MBD1: variants seen among roughly 807,000 people sequenced by gnomAD.
MBD1 encodes methyl-CpG-binding domain protein 1.
A neutral mutation model predicts 82.6 loss-of-function variants in MBD1; 25 were observed. The observed-to-expected ratio is 0.30, with a 90% confidence interval of 0.22 to 0.42. The LOEUF (loss-of-function observed/expected upper bound fraction) is 0.42, where lower values mean the gene tolerates loss of function less well. Among genes scored for constraint, MBD1 ranks in the 10% least tolerant of loss-of-function variants. The probability of loss-of-function intolerance (pLI) is 1.00; values close to 1 mark genes in which losing one functional copy is unlikely to be tolerated. For missense variants in MBD1, 627 were observed against 819.6 expected (o/e 0.76, Z 2.87); for synonymous variants, 301 against 303.7 (o/e 0.99, Z 0.09).
chr18:50,269,453 A>G lies in MBD1; in HGVS notation c.*398T>C. ...TGAAGCAGCAGCACATTGTTTTTACACTTGGAAGGTTGGTGCTGGGGCACC... is the reference window on the plus strand; with the variant it reads ...TGAAGCAGCAGCACATTGTTTTTACGCTTGGAAGGTTGGTGCTGGGGCACC... On this transcript the variant is annotated 3_prime_UTR_variant, in exon 17 of 17. Transcript: ENST00000269468. The G allele has an allele frequency of 1.3e-6, 1 of 777,632 alleles. No individual in the cohort carries two copies. Among genetic ancestry groups the G allele is most frequent in the Non-Finnish European group, 2.1e-6 (1 of 475,396 alleles). The allele number at this position is 777,632 out of a possible 1,614,324, so 48.2% of individuals were successfully genotyped here. A position where few individuals can be genotyped will look rare whatever the true frequency, so the allele number is the denominator to read the frequency against.
chr18:50,275,122 G>A lies in MBD1; in HGVS notation c.909+7C>T. The A allele has an allele frequency of 6.2e-7, 1 of 1,613,602 alleles. No individual in the cohort carries two copies. The highest frequency in any genetic ancestry group is 1.3e-5 in the African/African-American group (1 of 75,048). On this transcript the variant is annotated splice_region_variant and intron_variant, in intron 9 of 16. Transcript: ENST00000269468. The stretch of plus-strand genomic sequence containing the variant: ...TTGTGCCTTCCCTCCACCCACTGGG[G>A]CCTCACCGGCTCTGTGGGCTCTGGG...
chr18:50,271,804 G>A (rs1412539842), intron 15 of MBD1, among the ~76,000 whole-genome samples: 1 of 152,142 alleles, frequency 6.6e-6, no homozygotes, highest in Non-Finnish European at 1.5e-5. Flanking sequence ...CACCCAACAG[G>A]AACTCAATCA....
chr18:50,273,303 G>A (rs776178132), intron 13 of MBD1, 31 bp downstream of exon 13: 13 of 1,613,022 alleles, frequency 8.1e-6, no homozygotes, highest in Admixed American at 1.7e-5. Flanking sequence ...CTCCGCTACG[G>A]CACCAACAGA....
At chr18:50,279,753 A>C (rs893382866) in intron 2 of MBD1, 130 bp downstream of exon 2, 5 of 1,250,544 alleles carry the variant, frequency 4.0e-6, no homozygotes, top group Admixed American at 4.6e-5. Context: ...ATTCAAACAT[A>C]AAATCCGCTA....
intron 2 of MBD1, among the ~76,000 whole-genome samples, chr18:50,277,857 A>T (rs560505759): frequency 9.9e-4 from 151 of 152,124 alleles, no homozygotes; most frequent in Admixed American, 1.5e-3. Flanking sequence ...AATATTATTT[A>T]AAAAAAACCT....
intron 13 of MBD1, 114 bp from the exon 14 acceptor site, chr18:50,273,069 A>T (rs2036285191): frequency 7.2e-7 from 1 of 1,395,998 alleles, no homozygotes; most frequent in Admixed American, 1.8e-5. Context: ...ACATTTCAAC[A>T]CAGAAAGTCC....
chr18:50,274,044 T>C, intron 11 of MBD1, 142 bp downstream of exon 11: 1 of 1,365,058 alleles, frequency 7.3e-7, no homozygotes, highest in South Asian at 1.2e-5. Context: ...CCTAGACTCA[T>C]TAAGCCAAGA....
chr18:50,279,423 T>C (rs1391385212), intron 2 of MBD1, among the ~76,000 whole-genome samples: 1 of 152,222 alleles, frequency 6.6e-6, no homozygotes, highest in East Asian at 1.9e-4. Context: ...GCAAAGTTTA[T>C]CTGCCTTGTA....
intron 10 of MBD1, 84 bp downstream of exon 10, chr18:50,274,892 TA>T: frequency 1.4e-6 from 2 of 1,392,362 alleles, no homozygotes; most frequent in Non-Finnish European, 2.0e-6. Flanking sequence ...TGTTCCCCAA[TA>T]GGCTCATTCC....
rs754139452 is a variant in MBD1, at chr18:50,269,275, G to A, written c.*576C>T. 22 of 1,176,562 alleles carry A rather than the reference G, an allele frequency of 1.9e-5. No homozygotes were observed. In the South Asian group the frequency reaches 3.4e-4, roughly 18 times the overall value. 72.9% of individuals were successfully genotyped at this position (1,176,562 alleles called of 1,614,324 possible). On this transcript the variant is annotated 3_prime_UTR_variant, in exon 17 of 17. Coordinates refer to ENST00000269468, the MANE Select transcript of MBD1 (RefSeq NM_015846.4). ...ATTTTCAGCCACATAGTTATATTGAGTTATCCTCAGGTGAGCAGTGAGACC... is the reference window on the plus strand; with the variant it reads ...ATTTTCAGCCACATAGTTATATTGAATTATCCTCAGGTGAGCAGTGAGACC...
At chr18:50,281,733 T>TG (rs2040309963), upstream of MBD1, 1 of 372,354 alleles carries the variant, frequency 2.7e-6, no homozygotes, top group African/African-American at 2.1e-5. Flanking sequence ...GACTGGCAGT[T>TG]GCGGCTCTCC....
intron 11 of MBD1, 127 bp downstream of exon 11, chr18:50,274,059 T>C (rs748802252): frequency 5.0e-5 from 70 of 1,407,958 alleles, no homozygotes; most frequent in Non-Finnish European, 6.6e-5. Flanking sequence ...CCAAGAACAA[T>C]GTCTGTTAAT....
At chr18:50,274,454 G>T in intron 10 of MBD1, 101 bp from the exon 11 acceptor site, 1 of 1,306,288 alleles carries the variant, frequency 7.7e-7, no homozygotes, top group Non-Finnish European at 1.1e-6. Context: ...AGCCCCATAA[G>T]ACGGAGCTAC....
At chr18:50,276,088 C>A (rs140687) in intron 6 of MBD1, 107 bp from the exon 7 acceptor site, 974,615 of 1,409,992 alleles carry the variant, frequency 0.69, 338,721 homozygotes, top group Admixed American at 0.75. Flanking sequence ...TTTAGTCCCC[C>A]ATTAGCCTCA....
intron 2 of MBD1, among the ~76,000 whole-genome samples, chr18:50,278,473 C>T (rs2038939642): frequency 6.6e-6 from 1 of 152,208 alleles, no homozygotes; most frequent in Non-Finnish European, 1.5e-5. Flanking sequence ...AATGAAATCT[C>T]AGGTTCTTTA....
At chr18:50,270,571 G>A in intron 16 of MBD1, 3 of 338,778 alleles carry the variant, frequency 8.9e-6, no homozygotes, top group South Asian at 7.0e-5. Flanking sequence ...TCTGGCTGAA[G>A]AGGGGGAGTC....
At chr18:50,280,336 T>C (rs1425419179) in intron 1 of MBD1, among the ~76,000 whole-genome samples, 1 of 151,902 alleles carries the variant, frequency 6.6e-6, no homozygotes, top group Non-Finnish European at 1.5e-5. Flanking sequence ...CTTTTCATCC[T>C]TCCCCCTCAT....
chr18:50,279,723 A>C (rs2039471991), intron 2 of MBD1, 160 bp downstream of exon 2: 2 of 954,960 alleles, frequency 2.1e-6, no homozygotes, highest in Non-Finnish European at 3.1e-6. Context: ...GTTACAAATA[A>C]ATTTTATTAA....
At chr18:50,279,688 A>G in intron 2 of MBD1, 195 bp downstream of exon 2, 1 of 669,674 alleles carries the variant, frequency 1.5e-6, no homozygotes, top group South Asian at 1.9e-5. Context: ...ATAATCACAA[A>G]TGCACTGTGA....
Sources: gnomAD v4.1 joint callset for allele counts (sites outside exome capture counted in the v4.1 genomes callset) on GRCh38, gnomAD v4.1.1 for gene constraint, MANE v1.5 for transcripts, NCBI Gene and HGNC (gene_info 2026-07-23, HGNC 2026-07-21) for gene names.